Variants in ZMIZ1 observed in about 807,000 individuals in gnomAD.
ZMIZ1 encodes the protein zinc finger MIZ-type containing 1.
Under a neutral mutation model 113.9 loss-of-function variants are expected in ZMIZ1, and 17 were observed. The observed-to-expected ratio is 0.15, with a 90% CI of 0.10 to 0.22. The LOEUF is 0.22. Ranked by LOEUF, ZMIZ1 falls within the 10% of genes least tolerant of loss-of-function variation. The probability of loss-of-function intolerance (pLI) is 1.00; values close to 1 mark genes in which losing one functional copy is unlikely to be tolerated. For missense variants in ZMIZ1, 1,059 were observed against 1,477.8 expected (o/e 0.72, Z 4.65); for synonymous variants, 607 against 603.1 (o/e 1.01, Z -0.09).
At chr10:79,268,629 G>A (rs141949760) in intron 7 of ZMIZ1, among the ~76,000 whole-genome samples, 7 of 152,326 alleles carry the variant, frequency 4.6e-5, no homozygotes, top group Admixed American at 2.0e-4. Context: ...CCCCAAATCC[G>A]ATCGTGGCCC....
chr10:79,084,403 C>T (rs1842744892), intron 1 of ZMIZ1, among the ~76,000 whole-genome samples: 1 of 152,248 alleles, frequency 6.6e-6, no homozygotes, highest in African/African-American at 2.4e-5. Context: ...TCAGTGTATT[C>T]CTGGAGCAGT....
At chr10:79,292,452 A>G in intron 11 of ZMIZ1, 96 bp downstream of exon 11, 2 of 1,498,298 alleles carry the variant, frequency 1.3e-6, no homozygotes, top group Non-Finnish European at 1.8e-6. Flanking sequence ...TTATGGGGCC[A>G]TGTGTGCTGG....
intron 16 of ZMIZ1, among the ~76,000 whole-genome samples, chr10:79,300,295 C>G (rs527660030): frequency 2.7e-4 from 41 of 152,304 alleles, no homozygotes; most frequent in African/African-American, 9.9e-4. Flanking sequence ...CTTGGGGGGC[C>G]TCCTTGGGGA....
chr10:79,165,962 G>GCAGCTCAGC (rs59980849), intron 4 of ZMIZ1, among the ~76,000 whole-genome samples: 1 of 61,128 alleles, frequency 1.6e-5, no homozygotes, highest in African/African-American at 4.1e-5. Flanking sequence ...GTGTGTGTGT[G>GCAGCTCAGC]TGTGTGTGTG....
intron 7 of ZMIZ1, among the ~76,000 whole-genome samples, chr10:79,241,338 G>A (rs529702186): frequency 6.6e-6 from 1 of 152,256 alleles, no homozygotes; most frequent in African/African-American, 2.4e-5. Context: ...CCCTGCCTGC[G>A]GTGCTGCTTG....
chr10:79,245,109 C>T (rs1026807747), intron 7 of ZMIZ1, among the ~76,000 whole-genome samples: 1 of 152,232 alleles, frequency 6.6e-6, no homozygotes, highest in African/African-American at 2.4e-5. Flanking sequence ...TGGTGAGAAT[C>T]TAGGTCTTTA....
intron 4 of ZMIZ1, among the ~76,000 whole-genome samples, chr10:79,181,738 C>T (rs1354100404): frequency 1.3e-5 from 2 of 152,170 alleles, no homozygotes; most frequent in Non-Finnish European, 2.9e-5. Context: ...ACCTTGAGCC[C>T]ATCCCTCCCT....
At chr10:79,123,272 G>C (rs983553202) in intron 2 of ZMIZ1, among the ~76,000 whole-genome samples, 58 of 152,342 alleles carry the variant, frequency 3.8e-4, no homozygotes, top group Admixed American at 9.8e-4. Flanking sequence ...TGTGGACCGG[G>C]CTGAGGCATG....
intron 1 of ZMIZ1, among the ~76,000 whole-genome samples, chr10:79,110,337 C>A (rs1843692777): frequency 6.6e-6 from 1 of 152,200 alleles, no homozygotes; most frequent in Non-Finnish European, 1.5e-5. Flanking sequence ...TATTGCGATA[C>A]CGGTGGCCAC....
intron 3 of ZMIZ1, among the ~76,000 whole-genome samples, chr10:79,160,613 A>G (rs4980038): frequency 0.16 from 24,587 of 152,288 alleles, 2,251 homozygotes; most frequent in East Asian, 0.32. Context: ...CCAAGATTTG[A>G]AGCAGATCCT....
At chr10:79,151,129 T>C (rs1845696651) in intron 3 of ZMIZ1, among the ~76,000 whole-genome samples, 1 of 152,088 alleles carries the variant, frequency 6.6e-6, no homozygotes, top group Admixed American at 6.5e-5. Context: ...CTGGGCGAGC[T>C]GAAAGCTTGT....
intron 1 of ZMIZ1, among the ~76,000 whole-genome samples, chr10:79,081,400 G>A (rs1842654001): frequency 6.6e-6 from 1 of 152,198 alleles, no homozygotes; most frequent in African/African-American, 2.4e-5. Flanking sequence ...CTTAGCCCAG[G>A]TTGTAAGACG....
chr10:79,229,515 T>C (rs1307868206), intron 7 of ZMIZ1, among the ~76,000 whole-genome samples: 1 of 152,164 alleles, frequency 6.6e-6, no homozygotes, highest in African/African-American at 2.4e-5. Context: ...CTGTTTGGGA[T>C]GAAGAGACAC....
At chr10:79,290,239 G>C (rs188521859) in intron 9 of ZMIZ1, among the ~76,000 whole-genome samples, 55 of 152,230 alleles carry the variant, frequency 3.6e-4, no homozygotes, top group African/African-American at 1.2e-3. Flanking sequence ...GACCCTGGAT[G>C]TATGGCCTGA....
chr10:79,257,475 G>A (rs1339214167), intron 7 of ZMIZ1, among the ~76,000 whole-genome samples: 3 of 152,264 alleles, frequency 2.0e-5, no homozygotes, highest in Non-Finnish European at 4.4e-5. Flanking sequence ...TCTACCCTGA[G>A]TCAGGGGAAC....
chr10:79,257,809 C>T (rs2131890199), intron 7 of ZMIZ1, among the ~76,000 whole-genome samples: 1 of 152,330 alleles, frequency 6.6e-6, no homozygotes, highest in East Asian at 1.9e-4. Context: ...TTTGCACCGT[C>T]TTTAACTCTG....
intron 2 of ZMIZ1, among the ~76,000 whole-genome samples, chr10:79,120,912 C>T (rs1474489097): frequency 2.6e-5 from 4 of 152,196 alleles, no homozygotes; most frequent in Non-Finnish European, 4.4e-5. Context: ...CTGCACTTCC[C>T]TGTTGACTCG....
intron 1 of ZMIZ1, among the ~76,000 whole-genome samples, chr10:79,107,328 G>A (rs570221326): frequency 1.6e-4 from 25 of 152,358 alleles, no homozygotes; most frequent in Admixed American, 3.3e-4. Flanking sequence ...ACTTCTGGCC[G>A]TGTGACTTTT....
chr10:79,166,003 G>GTGTGTGTGTGTGTGT (rs1309575802), intron 4 of ZMIZ1, among the ~76,000 whole-genome samples: 100 of 44,508 alleles, frequency 2.2e-3, no homozygotes, highest in African/African-American at 9.7e-3. Context: ...TGTGTGTGTG[G>GTGTGTGTGTGTGTGT]GCTCTCCCTG....
Sources: gnomAD v4.1 joint callset for allele counts (sites outside exome capture counted in the v4.1 genomes callset) on GRCh38, gnomAD v4.1.1 for gene constraint, MANE v1.5 for transcripts, NCBI Gene and HGNC (gene_info 2026-07-23, HGNC 2026-07-21) for gene names.